Variants in CIROZ observed in about 807,000 individuals in gnomAD.
CIROZ encodes the protein ciliated left-right organizer ZP-N domains-containing protein.
the CIROZ span, among the ~76,000 whole-genome samples, chr1:10,963,656 A>C: frequency 6.6e-6 from 1 of 151,892 alleles, no homozygotes; most frequent in Non-Finnish European, 1.5e-5. Context: ...GTGGGGCTCA[A>C]CCTTTCTTCC....
chr1:10,963,900 C>G, the CIROZ span, among the ~76,000 whole-genome samples: 1 of 152,126 alleles, frequency 6.6e-6, no homozygotes, highest in Admixed American at 6.6e-5. Context: ...TTTAATCCCC[C>G]CTCCCCTCCC....
the CIROZ span, chr1:10,957,514 T>G: frequency 2.0e-6 from 3 of 1,510,738 alleles, no homozygotes; most frequent in African/African-American, 2.8e-5. Flanking sequence ...GTCTCGCAGG[T>G]GGACATTTGA....
the CIROZ span, among the ~76,000 whole-genome samples, chr1:10,951,745 A>AAAAAT: frequency 0.037 from 4,409 of 118,680 alleles, 90 homozygotes; most frequent in East Asian, 0.12. Flanking sequence ...AAAAAAAAAA[A>AAAAAT]ATATATATAT....
chr1:10,949,404 AG>A, the CIROZ span: 1,783 of 593,436 alleles, frequency 3.0e-3, 25 homozygotes, highest in South Asian at 0.02. Flanking sequence ...CCGACAGATG[AG>A]GGGGGCTGCC....
chr1:10,977,760 G>A, the CIROZ span, among the ~76,000 whole-genome samples: 3 of 152,162 alleles, frequency 2.0e-5, no homozygotes, highest in African/African-American at 7.2e-5. Flanking sequence ...CCATAAGATA[G>A]CACAAAGGTG....
chr1:10,969,482 AG>A, the CIROZ span, among the ~76,000 whole-genome samples: 1 of 152,098 alleles, frequency 6.6e-6, no homozygotes. Flanking sequence ...ATTTCTCCCA[AG>A]TGTTTGAGAA....
At chr1:10,979,677 C>T in the CIROZ span, among the ~76,000 whole-genome samples, 2 of 152,188 alleles carry the variant, frequency 1.3e-5, no homozygotes, top group Non-Finnish European at 2.9e-5. Flanking sequence ...GGAAACCACC[C>T]CAGCGCCCAG....
At chr1:10,967,837 G>A in the CIROZ span, among the ~76,000 whole-genome samples, 1 of 152,138 alleles carries the variant, frequency 6.6e-6, no homozygotes, top group African/African-American at 2.4e-5. Flanking sequence ...AGCTGGGAGT[G>A]GTGGCAGGCA....
At chr1:10,953,975 T>A in the CIROZ span, 2 of 1,581,232 alleles carry the variant, frequency 1.3e-6, no homozygotes, top group Non-Finnish European at 1.7e-6. Context: ...TTGTGTGGTG[T>A]GTGCCTGTTA....
At chr1:10,960,904 G>C in the CIROZ span, among the ~76,000 whole-genome samples, 10 of 152,270 alleles carry the variant, frequency 6.6e-5, no homozygotes, top group African/African-American at 2.2e-4. The surrounding 1 kb of genome is among the most constrained non-coding windows in gnomAD (Gnocchi z 4.6). Context: ...TTCTCAGATG[G>C]GGGAAGGGGC....
At chr1:10,982,007 C>T in the CIROZ span, 17 of 1,537,128 alleles carry the variant, frequency 1.1e-5, no homozygotes, top group Non-Finnish European at 1.4e-5. Context: ...ATAAGGGACA[C>T]TTACCAGGCA....
the CIROZ span, among the ~76,000 whole-genome samples, chr1:10,961,858 A>G: frequency 6.6e-6 from 1 of 152,152 alleles, no homozygotes; most frequent in East Asian, 1.9e-4. Flanking sequence ...ATCCCATGAG[A>G]ATCGCTTGAA....
chr1:10,947,825 C>T, the CIROZ span: 1 of 1,600,046 alleles, frequency 6.2e-7, no homozygotes, highest in Admixed American at 1.7e-5. Flanking sequence ...GGCTGGGTAG[C>T]AACACTCCTG....
At chr1:10,952,275 G>T in the CIROZ span, among the ~76,000 whole-genome samples, 2 of 152,134 alleles carry the variant, frequency 1.3e-5, no homozygotes, top group African/African-American at 4.8e-5. Flanking sequence ...ATTCATTCTG[G>T]TTGCTGATGT....
the CIROZ span, among the ~76,000 whole-genome samples, chr1:10,972,736 C>CT: frequency 6.6e-6 from 1 of 152,242 alleles, no homozygotes; most frequent in South Asian, 2.1e-4. Context: ...TTTGCCCCTC[C>CT]TGGGTGAAAG....
chr1:10,966,666 G>T, the CIROZ span, among the ~76,000 whole-genome samples: 3 of 152,178 alleles, frequency 2.0e-5, no homozygotes, highest in African/African-American at 7.2e-5. Flanking sequence ...AAGCCCGATG[G>T]TTCTTCATTC....
the CIROZ span, among the ~76,000 whole-genome samples, chr1:10,963,566 G>A: frequency 6.6e-6 from 1 of 151,848 alleles, no homozygotes; most frequent in South Asian, 2.1e-4. Context: ...TTAGCTTACA[G>A]AGGTGCCCCG....
At chr1:10,969,598 C>A in the CIROZ span, among the ~76,000 whole-genome samples, 1 of 152,200 alleles carries the variant, frequency 6.6e-6, no homozygotes, top group Admixed American at 6.5e-5. Context: ...CTTGTTCATT[C>A]AACAAATATT....
At chr1:10,966,278 CCTTA>C in the CIROZ span, 1 of 1,419,528 alleles carries the variant, frequency 7.0e-7, no homozygotes, top group African/African-American at 1.4e-5. Flanking sequence ...TGCAGTGTCT[CCTTA>C]CTTGATATCT....
Sources: allele counts gnomAD v4.1 joint callset (sites outside exome capture counted in the v4.1 genomes callset), GRCh38; gene constraint gnomAD v4.1.1; non-coding constraint Gnocchi (gnomAD v3.1); transcripts MANE v1.5; gene names NCBI Gene and HGNC (gene_info 2026-07-23, HGNC 2026-07-21).